CALN1: variants seen among roughly 807,000 people sequenced by gnomAD.
CALN1 encodes calcium-binding protein 8.
CALN1 carries 17 observed loss-of-function variants against 30.6 expected under a neutral mutation model. The ratio of observed to expected loss-of-function variants is 0.56; its 90% CI spans 0.38 to 0.83. The LOEUF (loss-of-function observed/expected upper bound fraction) is 0.83. Ranked by LOEUF, CALN1 falls within the 40% of genes least tolerant of loss-of-function variation. The pLI, the probability that CALN1 is intolerant of heterozygous loss-of-function variation, is 0.00. For missense variants in CALN1, 291 were observed against 354.9 expected, an observed-to-expected ratio of 0.82 and a Z score of 1.45; for synonymous variants, 156 against 131.4, an observed-to-expected ratio of 1.19 and a Z score of -1.28.
intron 2 of CALN1, among the ~76,000 whole-genome samples, chr7:72,309,843 A>C (rs552064059): frequency 6.6e-6 from 1 of 152,274 alleles, no homozygotes; most frequent in African/African-American, 2.4e-5. Flanking sequence ...AGGTCCAGGG[A>C]GATTTGCTGA....
At chr7:71,799,870 C>T (rs556491213) in intron 6 of CALN1, among the ~76,000 whole-genome samples, 2 of 152,160 alleles carry the variant, frequency 1.3e-5, no homozygotes, top group Non-Finnish European at 2.9e-5. Context: ...TGTCTGAAGT[C>T]CCAAATCTCT....
intron 4 of CALN1, among the ~76,000 whole-genome samples, chr7:72,094,411 C>T (rs966243505): frequency 1.3e-5 from 2 of 152,150 alleles, no homozygotes; most frequent in Non-Finnish European, 2.9e-5. Context: ...CACACCACAA[C>T]ACCCAGCTAA....
chr7:72,307,685 C>T (rs753586278), intron 2 of CALN1, among the ~76,000 whole-genome samples: 17 of 152,190 alleles, frequency 1.1e-4, no homozygotes, highest in East Asian at 3.9e-4. Flanking sequence ...GTGCAGATGC[C>T]GTGGGGAGGT....
At chr7:72,360,978 T>A (rs1803536239) in intron 2 of CALN1, among the ~76,000 whole-genome samples, 3 of 151,982 alleles carry the variant, frequency 2.0e-5, no homozygotes, top group Non-Finnish European at 4.4e-5. Context: ...CTGCCTGCCT[T>A]GGGCTCCAAA....
chr7:72,403,964 A>C (rs1478213823), intron 1 of CALN1, among the ~76,000 whole-genome samples: 1 of 152,158 alleles, frequency 6.6e-6, no homozygotes, highest in East Asian at 1.9e-4. Context: ...ACTTCCTTAA[A>C]GCATACAGCA....
At chr7:72,215,453 G>C (rs1304681928) in intron 3 of CALN1, among the ~76,000 whole-genome samples, 2 of 152,008 alleles carry the variant, frequency 1.3e-5, no homozygotes, top group Admixed American at 1.3e-4. Flanking sequence ...AATTAGCCAG[G>C]TATGGTGGCG....
At chr7:72,227,408 C>T (rs1462081981) in intron 3 of CALN1, among the ~76,000 whole-genome samples, 13 of 151,746 alleles carry the variant, frequency 8.6e-5, no homozygotes, top group African/African-American at 2.9e-4. Flanking sequence ...GGAGTGGTGA[C>T]GGGCGCCTGT....
chr7:71,968,332 C>A (rs1452059331), intron 5 of CALN1, among the ~76,000 whole-genome samples: 1 of 152,128 alleles, frequency 6.6e-6, no homozygotes, highest in Admixed American at 6.6e-5. Context: ...TTGAAAAATG[C>A]AAAACTACAA....
chr7:72,130,059 A>C (rs552642153), intron 3 of CALN1, among the ~76,000 whole-genome samples: 1 of 150,732 alleles, frequency 6.6e-6, no homozygotes, highest in Admixed American at 6.6e-5. Context: ...TGGCACCAAC[A>C]CTCCCCCACC....
chr7:72,225,117 C>T (rs186628944), intron 3 of CALN1, among the ~76,000 whole-genome samples: 4 of 151,632 alleles, frequency 2.6e-5, no homozygotes, highest in South Asian at 4.2e-4. Flanking sequence ...AAAAAAAGCA[C>T]GATATTCCAG....
chr7:72,040,217 G>A (rs1358728574), intron 4 of CALN1, among the ~76,000 whole-genome samples: 1 of 152,116 alleles, frequency 6.6e-6, no homozygotes, highest in East Asian at 1.9e-4. Context: ...GTTCATGCTT[G>A]TAATCTCATC....
chr7:72,364,928 G>C (rs1803792254), intron 2 of CALN1, among the ~76,000 whole-genome samples: 1 of 151,642 alleles, frequency 6.6e-6, no homozygotes, highest in South Asian at 2.1e-4. Flanking sequence ...CCAGCACTCT[G>C]GGAGGCCAAG....
At chr7:72,066,101 C>T (rs1804003252) in intron 4 of CALN1, among the ~76,000 whole-genome samples, 1 of 152,222 alleles carries the variant, frequency 6.6e-6, no homozygotes, top group South Asian at 2.1e-4. Flanking sequence ...CACTTTTCTT[C>T]TCTTGTTTTT....
chr7:72,181,565 A>AC (rs1789811327), intron 3 of CALN1, among the ~76,000 whole-genome samples: 1 of 149,256 alleles, frequency 6.7e-6, no homozygotes, highest in Admixed American at 6.7e-5. Flanking sequence ...TGCAACCTTC[A>AC]CCCCCAGGTT....
intron 5 of CALN1, among the ~76,000 whole-genome samples, chr7:72,000,609 A>G (rs57375990): frequency 0.054 from 8,225 of 152,190 alleles, 692 homozygotes; most frequent in East Asian, 0.33. Context: ...TGAATTAAAA[A>G]CCATTTTATA....
At chr7:72,281,152 G>A (rs1034354333) in intron 2 of CALN1, among the ~76,000 whole-genome samples, 4 of 151,244 alleles carry the variant, frequency 2.6e-5, no homozygotes, top group Admixed American at 1.3e-4. Context: ...AAAAAAAGAT[G>A]AATTCAGCCC....
intron 5 of CALN1, among the ~76,000 whole-genome samples, chr7:71,909,989 G>A (rs542846983): frequency 2.0e-5 from 3 of 152,274 alleles, no homozygotes; most frequent in East Asian, 3.9e-4. Context: ...GAGAAGCAAA[G>A]GCACATCTTA....
chr7:72,439,453 G>A (rs376764839), intron 1 of CALN1, among the ~76,000 whole-genome samples: 1 of 152,092 alleles, frequency 6.6e-6, no homozygotes, highest in East Asian at 1.9e-4. Context: ...AATATATTCT[G>A]TATTCTTACA....
intron 2 of CALN1, among the ~76,000 whole-genome samples, chr7:72,337,426 A>G (rs868573570): frequency 5.4e-4 from 81 of 148,932 alleles, no homozygotes; most frequent in East Asian, 9.8e-4. Context: ...TCGCGCGCAC[A>G]CACACACACA....
Sources: allele counts gnomAD v4.1 joint callset (sites outside exome capture counted in the v4.1 genomes callset), GRCh38; gene constraint gnomAD v4.1.1; transcripts MANE v1.5; gene names NCBI Gene and HGNC (gene_info 2026-07-23, HGNC 2026-07-21).